Variants in PDCD2 observed in about 807,000 individuals in gnomAD.
The protein encoded by PDCD2 is uS5 assembly chaperone PDCD2.
Under a neutral mutation model 38.1 loss-of-function variants are expected in PDCD2, and 38 were observed. That is an observed-to-expected ratio of 1.00 (90% CI 0.77 to 1.31). The LOEUF (loss-of-function observed/expected upper bound fraction) is 1.31, where lower values mean the gene tolerates loss of function less well. PDCD2 is among the 50% of genes most tolerant of loss of function. The pLI, the probability that PDCD2 is intolerant of heterozygous loss-of-function variation, is 0.00. For missense variants in PDCD2, 473 were observed against 435.7 expected, an observed-to-expected ratio of 1.09 and a Z score of -0.76; for synonymous variants, 205 against 168.9, an observed-to-expected ratio of 1.21 and a Z score of -1.66.
chr6:170,578,675 C>CA (rs1779513255), intron 5 of PDCD2, 182 bp downstream of exon 5: 3 of 704,632 alleles, frequency 4.3e-6, no homozygotes, highest in Non-Finnish European at 7.8e-6. Flanking sequence ...CAGAAAAAAA[C>CA]AAGACAGTTC....
intron 3 of PDCD2, chr6:170,582,307 A>T (rs1234610860): frequency 6.5e-7 from 1 of 1,532,082 alleles, no homozygotes; most frequent in African/African-American, 1.4e-5. Context: ...AAGACTCAAA[A>T]CATGTTTTGG....
In PDCD2 at chr6:170,583,187, ATCTG is replaced by A; in HGVS notation, c.527-3_527del. ...GGTCTGGAATTATATGGTCCAGATG[ATCTG>A]AAACAAAAAGGACAGCACTATTAGT... On this transcript the variant is annotated splice_acceptor_variant and splice_polypyrimidine_tract_variant and coding_sequence_variant and intron_variant, in exon 3 of 6. Coordinates refer to ENST00000541970, the MANE Select transcript of PDCD2 (RefSeq NM_002598.4). LOFTEE classifies it high-confidence loss of function. The A allele has an allele frequency of 6.3e-7, 1 of 1,590,408 alleles. No homozygotes were observed. The highest frequency in any genetic ancestry group is 1.8e-5 in the Admixed American group (1 of 56,736).
intron 3 of PDCD2, 24 bp from the exon 4 acceptor site, chr6:170,580,129 T>A (rs759690635): frequency 7.1e-7 from 1 of 1,403,962 alleles, no homozygotes; most frequent in Non-Finnish European, 1.0e-6. Flanking sequence ...GTAACTATTA[T>A]GAAAAACAGG....
In PDCD2 at chr6:170,580,036, T is replaced by C. The variant is rs1302531250; in HGVS notation, c.728A>G (p.Lys243Arg). The C allele has an allele frequency of 6.2e-7, 1 of 1,610,070 alleles. No homozygotes were observed. Among genetic ancestry groups the C allele is most frequent in the Middle Eastern group, 1.7e-4 (1 of 6,050 alleles). ...TTCAAGGGCTATCTGAGTTTTAAAC[T>C]TCTGAAAAATTTTATCTTCCCTGGA... ...HESREDKIFQ[K>R]FKTQIALEPE... The change falls in exon 4 of 6, where the codon AAG (lysine) becomes AGG (arginine). Residue 243 changes from lysine to arginine, a missense_variant. Physicochemically the swap from Lys to Arg is conservative, Grantham distance 26. Transcript: ENST00000541970.
At chr6:170,579,646 G>T in intron 4 of PDCD2, 1 of 162,066 alleles carries the variant, frequency 6.2e-6, no homozygotes, top group Non-Finnish European at 1.3e-5. Flanking sequence ...TGTTGGAAAT[G>T]GGCAAAAATA....
chr6:170,580,085 G>C lies in PDCD2; in HGVS notation c.679C>G (p.Leu227Val), dbSNP rs150472476. The change falls in exon 4 of 6, where the codon CTG (leucine) becomes GTG (valine). Residue 227 changes from leucine (L) to valine (V), a missense_variant. Leu to Val is a conservative substitution (Grantham distance 32). Transcript: ENST00000541970. ...GATTCATGTTTTGCCATGGAATCCA[G>C]TTCTTCCTCAAGTGCTTCACCTGAA... ...GSMGEALEEE[L>V]DSMAKHESRE... 1.1e-5 allele frequency: 17 copies of C among 1,609,502 alleles called. No homozygotes were observed. The African/African-American group carries it at 1.6e-4, about 15-fold the overall frequency.
Position 170,577,730 on chromosome 6 carries a change from T to TGAC in PDCD2, c.877-16_877-14dup. ...GCTGAGGCATGACCTGAGAAGAGGG[T>TGAC]GACACACAGTTAGAAAGCTGCTTCA... is the stretch of plus-strand genomic sequence containing the variant. On this transcript the variant is annotated splice_polypyrimidine_tract_variant and intron_variant, in intron 5 of 5. Coordinates refer to ENST00000541970, the MANE Select transcript of PDCD2 (RefSeq NM_002598.4). 1.2e-6 allele frequency: 2 copies of TGAC among 1,611,574 alleles called. No individual in the cohort carries two copies. The highest frequency in any genetic ancestry group is 8.5e-7 in the Non-Finnish European group (1 of 1,179,656).
chr6:170,577,792 T>A, intron 5 of PDCD2, 75 bp from the exon 6 acceptor site: 1 of 1,388,794 alleles, frequency 7.2e-7, no homozygotes, highest in Non-Finnish European at 1.0e-6. Context: ...CCAGGATGAT[T>A]ATAGGGATCT....
chr6:170,578,475 C>A (rs1779505491), intron 5 of PDCD2: 2 of 602,304 alleles, frequency 3.3e-6, no homozygotes, highest in Non-Finnish European at 5.8e-6. Context: ...AGTAAAGACT[C>A]CTCTCATAAA....
Position 170,577,591 on chromosome 6 carries a change from C to T in PDCD2, c.1003G>A (p.Val335Met). 6.2e-7 allele frequency: 1 copy of T among 1,614,158 alleles called. No individual in the cohort carries two copies. The change falls in exon 6 of 6, where the codon GTG (valine) becomes ATG (methionine). Residue 335 changes from valine (V) to methionine (M), a missense_variant. By Grantham distance (21) the Val-to-Met change is conservative. Coordinates refer to ENST00000541970, the MANE Select transcript of PDCD2 (RefSeq NM_002598.4). ...GTATCTGTTACATCCTGCTTCCACA[C>T]AAATTCTTCTGTATAGCCAGTACCC... ...SLGTGYTEEF[V>M]WKQDVTDTP
chr6:170,580,099 G>C lies in PDCD2; in HGVS notation c.665C>G (p.Ala222Gly). The C allele has an allele frequency of 6.3e-7, 1 of 1,595,280 alleles. No individual in the cohort carries two copies. Reference protein sequence around the residue: ...YSEIIGSMGEALEEELDSMAK... With the variant: ...YSEIIGSMGEGLEEELDSMAK... ...CATGGAATCCAGTTCTTCCTCAAGT[G>C]CTTCACCTGAAAAATCAACGTAACT... The change falls in exon 4 of 6, where the codon GCA (alanine) becomes GGA (glycine). Residue 222 changes from alanine (A) to glycine (G), a missense_variant. Physicochemically the swap from Ala to Gly is moderately conservative, Grantham distance 60. Transcript: ENST00000541970.
intron 5 of PDCD2, among the ~76,000 whole-genome samples, chr6:170,578,082 C>T (rs557406642): frequency 6.6e-6 from 1 of 152,220 alleles, no homozygotes; most frequent in East Asian, 1.9e-4. Flanking sequence ...GTAATGAATA[C>T]AGAAAGGACA....
At chr6:170,579,054 G>A (rs1192747393) in intron 4 of PDCD2, 84 bp from the exon 5 acceptor site, 2 of 814,956 alleles carry the variant, frequency 2.5e-6, no homozygotes, top group Admixed American at 2.5e-5. Context: ...CTCCATGAAT[G>A]TTCCTACTCT....
At chr6:170,577,830 C>T (rs34311774) in intron 5 of PDCD2, 113 bp from the exon 6 acceptor site, 78,939 of 922,820 alleles carry the variant, frequency 0.086, 4,101 homozygotes, top group Non-Finnish European at 0.1. Flanking sequence ...TACTACAAAG[C>T]AGGATTATAG....
intron 3 of PDCD2, chr6:170,582,743 C>G: frequency 3.2e-6 from 4 of 1,262,434 alleles, no homozygotes; most frequent in Non-Finnish European, 4.0e-6. Flanking sequence ...GTGCTAGGCA[C>G]TCACACTATC....
At chr6:170,583,223 TTA>T in intron 2 of PDCD2, 35 bp from the exon 3 acceptor site, 1 of 1,423,642 alleles carries the variant, frequency 7.0e-7, no homozygotes, top group South Asian at 1.2e-5. Context: ...TAGTAATCAT[TTA>T]GTTTTGAAGA....
At chr6:170,582,499 C>A (rs762237059) in intron 3 of PDCD2, 11 of 1,368,954 alleles carry the variant, frequency 8.0e-6, no homozygotes, top group Non-Finnish European at 1.0e-5. Flanking sequence ...GGGGCAGTTT[C>A]TCACTCATTG....
rs140493653 is a variant in PDCD2 at position 170,577,680 on chromosome 6, C to G, written c.914G>C (p.Arg305Thr). Residue 305 changes from arginine (R) to threonine (T), a missense_variant, in exon 6 of 6, where the codon AGA becomes ACA. Transcript: ENST00000541970. ...GCCCCAGTCAATGCTCTTGCCCAGT[C>G]TGTCAGCCTTCAGGTAGTTTAGGAG... ...PQLLNYLKAD[R>T]LGKSIDWGIL... 34 of 1,613,402 alleles carry G rather than the reference C, an allele frequency of 2.1e-5. No homozygotes were observed. The East Asian group carries it at 7.1e-4, about 34-fold the overall frequency.
chr6:170,584,366 C>T lies in PDCD2; in HGVS notation c.216G>A (p.Pro72=), dbSNP rs200023629. The stretch of plus-strand genomic sequence containing the variant: ...GGAAGATGCAGCGGTGGAAGGCGTC[C>T]GGGCGGCCAGGCAGCGGCGCATACA... ...LQVYAPLPGR[P]DAFHRCIFLF... Residue 72 remains proline, a synonymous_variant, in exon 1 of 6, where the codon CCG becomes CCA. Coordinates refer to ENST00000541970, the MANE Select transcript of PDCD2 (RefSeq NM_002598.4). 5.9e-4 allele frequency: 875 copies of T among 1,495,694 alleles called. 4 individuals are homozygous for T. In the African/African-American group the frequency reaches 0.011, roughly 19 times the overall value. The allele number at this position is 1,495,694 out of a possible 1,614,324, so 92.7% of individuals were successfully genotyped here.
Sources: allele counts gnomAD v4.1 joint callset (sites outside exome capture counted in the v4.1 genomes callset), GRCh38; gene constraint gnomAD v4.1.1; transcripts MANE v1.5; gene names NCBI Gene and HGNC (gene_info 2026-07-23, HGNC 2026-07-21).